The following SGCD variants were observed in gnomAD, a reference collection of about 807,000 sequenced individuals.
SGCD encodes the protein delta-sarcoglycan.
In SGCD, 18 loss-of-function variants were observed where a neutral mutation model predicts 36.6. That is an observed-to-expected ratio of 0.49 (90% CI 0.34 to 0.73). The LOEUF (loss-of-function observed/expected upper bound fraction) is 0.73, where lower values mean the gene tolerates loss of function less well. SGCD is among the 30% of genes least tolerant of loss of function. The pLI, the probability that SGCD is intolerant of heterozygous loss-of-function variation, is 0.01. For synonymous variants in SGCD, 133 were observed against 130.6 expected (o/e 1.02, Z -0.12); for missense variants, 387 against 346.7 (o/e 1.12, Z -0.92).
chr5:156,060,101 C>T (rs1301610627), intron 1 of SGCD, among the ~76,000 whole-genome samples: 1 of 146,484 alleles, frequency 6.8e-6, no homozygotes. Flanking sequence ...AAAATATTAA[C>T]CTGCATTTTT....
intron 4 of SGCD, among the ~76,000 whole-genome samples, chr5:156,536,599 GT>G (rs1758123835): frequency 6.6e-6 from 1 of 150,658 alleles, no homozygotes; most frequent in Non-Finnish European, 1.5e-5. Flanking sequence ...GTGTTTGTTT[GT>G]TTGTTTGTTT....
intron 1 of SGCD, among the ~76,000 whole-genome samples, chr5:155,956,222 C>T (rs570668514): frequency 2.0e-5 from 3 of 151,558 alleles, no homozygotes; most frequent in African/African-American, 7.3e-5. Context: ...GATTTAGACC[C>T]TTCCTGCTGT....
chr5:155,847,382 C>T, the SGCD span, among the ~76,000 whole-genome samples: 1 of 152,166 alleles, frequency 6.6e-6, no homozygotes, highest in Non-Finnish European at 1.5e-5. Context: ...TGCTCCCTTA[C>T]TGTACTTTTC....
chr5:156,139,744 A>C (rs907021572), intron 3 of SGCD, among the ~76,000 whole-genome samples: 2 of 152,190 alleles, frequency 1.3e-5, no homozygotes, highest in Non-Finnish European at 2.9e-5. Context: ...TAGGAAGAAA[A>C]CTGGTAGCAT....
At chr5:156,505,624 G>C (rs868335491) in intron 3 of SGCD, among the ~76,000 whole-genome samples, 1 of 152,202 alleles carries the variant, frequency 6.6e-6, no homozygotes, top group African/African-American at 2.4e-5. Flanking sequence ...TGCTGGCAAC[G>C]TAACAGCAGG....
intron 3 of SGCD, among the ~76,000 whole-genome samples, chr5:156,130,533 T>C (rs991837600): frequency 6.6e-6 from 1 of 152,192 alleles, no homozygotes; most frequent in African/African-American, 2.4e-5. Flanking sequence ...TTATGATTGC[T>C]TTTAGTGTCT....
intron 3 of SGCD, among the ~76,000 whole-genome samples, chr5:156,128,748 C>T (rs893198602): frequency 2.0e-5 from 3 of 152,166 alleles, no homozygotes; most frequent in African/African-American, 7.2e-5. Context: ...TTTGTTTCCC[C>T]TTTGCCTTCT....
chr5:156,287,061 A>T (rs189678559), intron 3 of SGCD, among the ~76,000 whole-genome samples: 1 of 152,320 alleles, frequency 6.6e-6, no homozygotes, highest in Admixed American at 6.5e-5. Flanking sequence ...GACAACAAAG[A>T]GGGTAAACAA....
chr5:156,355,777 C>T (rs907657464), intron 3 of SGCD, among the ~76,000 whole-genome samples: 1 of 152,230 alleles, frequency 6.6e-6, no homozygotes, highest in Admixed American at 6.5e-5. Flanking sequence ...GCTGGGATTA[C>T]AGGCATGTGC....
chr5:156,498,998 A>G (rs984472162), intron 3 of SGCD, among the ~76,000 whole-genome samples: 1 of 151,544 alleles, frequency 6.6e-6, no homozygotes, highest in African/African-American at 2.4e-5. Context: ...GAAACTCCCA[A>G]AAGGAAGGAA....
chr5:156,555,541 C>T (rs2312187), intron 4 of SGCD, among the ~76,000 whole-genome samples: 77,764 of 151,946 alleles, frequency 0.51, 20,443 homozygotes, highest in African/African-American at 0.62. Context: ...GCTGTATCAA[C>T]TTATTGCTGA....
chr5:155,770,930 T>C, the SGCD span, among the ~76,000 whole-genome samples: 1 of 152,160 alleles, frequency 6.6e-6, no homozygotes, highest in East Asian at 1.9e-4. Flanking sequence ...ACGTGATCTC[T>C]CTTAAGTATT....
intron 3 of SGCD, among the ~76,000 whole-genome samples, chr5:156,376,428 A>G (rs1770674059): frequency 6.6e-6 from 1 of 152,246 alleles, no homozygotes. Context: ...CAGCTTCAAA[A>G]TATGAAAGGT....
At chr5:156,722,834 T>C (rs1755575321) in intron 7 of SGCD, among the ~76,000 whole-genome samples, 1 of 152,212 alleles carries the variant, frequency 6.6e-6, no homozygotes, top group African/African-American at 2.4e-5. Flanking sequence ...TTTGAATCTT[T>C]GACTACTCTC....
At chr5:156,736,641 C>T (rs895133135) in intron 7 of SGCD, among the ~76,000 whole-genome samples, 1 of 152,278 alleles carries the variant, frequency 6.6e-6, no homozygotes, top group South Asian at 2.1e-4. Flanking sequence ...GCCCCATCTC[C>T]AAGTGAATGA....
At chr5:156,231,006 G>T (rs185747493) in intron 3 of SGCD, among the ~76,000 whole-genome samples, 13 of 152,104 alleles carry the variant, frequency 8.5e-5, no homozygotes, top group African/African-American at 2.9e-4. Context: ...CAAATAAAAA[G>T]GCTACAAGGA....
chr5:156,358,976 C>T (rs1769633873), intron 3 of SGCD, among the ~76,000 whole-genome samples: 1 of 151,766 alleles, frequency 6.6e-6, no homozygotes, highest in South Asian at 2.1e-4. Flanking sequence ...GAGGAGAATG[C>T]ACTTATGTAA....
intron 3 of SGCD, among the ~76,000 whole-genome samples, chr5:156,486,124 G>A (rs932350268): frequency 1.3e-5 from 2 of 151,952 alleles, no homozygotes; most frequent in African/African-American, 4.8e-5. Flanking sequence ...ATCCTGCCCT[G>A]AGGCCCAAGA....
chr5:156,147,984 G>T lies in SGCD; in HGVS notation c.-44+23965G>T, dbSNP rs371867118. Among the ~76,000 whole-genome samples, 75 of 152,238 alleles carry T rather than the reference G, an allele frequency of 4.9e-4. No homozygotes were observed. The South Asian group carries it at 0.013, about 27-fold the overall frequency. On this transcript the variant is annotated intron_variant, in intron 3 of 9. Coordinates refer to the SGCD transcript ENST00000517913. ...GTCCTTCTGCTTATTTCATTCCTGG[G>T]GCTAGAAAAGCTAAGAAATGGTGCC...
Sources: gnomAD v4.1 joint callset for allele counts (sites outside exome capture counted in the v4.1 genomes callset) on GRCh38, gnomAD v4.1.1 for gene constraint, MANE v1.5 for transcripts, NCBI Gene and HGNC (gene_info 2026-07-23, HGNC 2026-07-21) for gene names.